Variants in DDX4 observed in about 807,000 individuals in gnomAD.
DDX4 encodes probable ATP-dependent RNA helicase DDX4.
A neutral mutation model predicts 100.0 loss-of-function variants in DDX4; 25 were observed. The observed-to-expected ratio is 0.25, with a 90% CI of 0.18 to 0.35. DDX4 has a LOEUF of 0.35. DDX4 is among the 10% of genes least tolerant of loss of function. The pLI is 1.00. For synonymous variants in DDX4, 259 were observed against 275.7 expected (o/e 0.94, Z 0.60); for missense variants, 635 against 882.4 (o/e 0.72, Z 3.55).
chr5:55,752,587 T>G (rs1759637334), intron 3 of DDX4, among the ~76,000 whole-genome samples: 2 of 146,694 alleles, frequency 1.4e-5, no homozygotes, highest in African/African-American at 5.2e-5. Context: ...CTATCATTGT[T>G]GGACATTTGG....
chr5:55,792,147 A>T (rs997624817), intron 16 of DDX4, among the ~76,000 whole-genome samples: 1 of 144,474 alleles, frequency 6.9e-6, no homozygotes, highest in Non-Finnish European at 1.5e-5. Flanking sequence ...AAAAAAAAAA[A>T]GCGCAGTTAA....
Position 55,790,573 on chromosome 5 carries a change from T to C in DDX4, c.1173-3T>C. ...AAATAACATTTAGTTTTCTTGTTAA[T>C]AGGACTTGTGTAAGAGCTGTTGTTA... On this transcript the variant is annotated splice_polypyrimidine_tract_variant and splice_region_variant and intron_variant, in intron 15 of 21. Coordinates refer to ENST00000505374, the MANE Select transcript of DDX4 (RefSeq NM_024415.3). The C allele has an allele frequency of 6.3e-7, 1 of 1,576,324 alleles. No homozygotes were observed. Among genetic ancestry groups the C allele is most frequent in the East Asian group, 2.2e-5 (1 of 44,610 alleles).
At position 55,798,600 on chromosome 5, in the gene DDX4, A is replaced by T. The variant is rs373997911; in HGVS notation, c.1615+29A>T. ...TCTTACGTTGATACATTTTTTTGTCATGATTTTGATTTTTTTTAATGAATA... is the reference window on the plus strand; with the variant it reads ...TCTTACGTTGATACATTTTTTTGTCTTGATTTTGATTTTTTTTAATGAATA... On this transcript the variant is annotated intron_variant, in intron 18 of 21. Coordinates refer to ENST00000505374, the MANE Select transcript of DDX4 (RefSeq NM_024415.3). 7 of 1,548,624 alleles carry T rather than the reference A, an allele frequency of 4.5e-6. No homozygotes were observed. The Admixed American group carries it at 8.3e-5, about 18-fold the overall frequency.
chr5:55,770,205 GTT>G (rs35086305), intron 7 of DDX4, among the ~76,000 whole-genome samples: 9 of 151,278 alleles, frequency 5.9e-5, no homozygotes, highest in Admixed American at 2.0e-4. Flanking sequence ...GTTGGTTGTG[GTT>G]TTTTTTTCCC....
At position 55,757,771 on chromosome 5, in the gene DDX4, C is replaced by T. The variant is rs899369043; in HGVS notation, c.128-2429C>T. Among the ~76,000 whole-genome samples, 16 of 152,180 alleles carry T rather than the reference C, an allele frequency of 1.1e-4. No homozygotes were observed. The East Asian group carries it at 1.4e-3, about 13-fold the overall frequency. On this transcript the variant is annotated intron_variant, in intron 3 of 21. Transcript: ENST00000505374. Reference sequence around the variant, plus strand: ...TTTTAAGAACATTACCCACCGGGCGCGGTGGCTCACGCCTGTAGTCCCAGC... The same window carrying T: ...TTTTAAGAACATTACCCACCGGGCGTGGTGGCTCACGCCTGTAGTCCCAGC...
chr5:55,762,463 T>G (rs1485840771), intron 4 of DDX4, among the ~76,000 whole-genome samples: 2 of 152,104 alleles, frequency 1.3e-5, no homozygotes, highest in East Asian at 1.9e-4. Flanking sequence ...ACATAATTGG[T>G]TTTTTGAAGA....
intron 7 of DDX4, among the ~76,000 whole-genome samples, chr5:55,771,303 A>G (rs1337493103): frequency 6.6e-6 from 1 of 152,090 alleles, no homozygotes; most frequent in Non-Finnish European, 1.5e-5. Context: ...TTTACTCACT[A>G]ATGACTCATT....
chr5:55,780,616 G>T (rs1223124554), intron 8 of DDX4, among the ~76,000 whole-genome samples: 1 of 152,190 alleles, frequency 6.6e-6, no homozygotes, highest in Non-Finnish European at 1.5e-5. Context: ...TAGGGATTTT[G>T]AAGGGTTACC....
intron 7 of DDX4, among the ~76,000 whole-genome samples, chr5:55,774,694 A>G (rs891984361): frequency 3.3e-5 from 5 of 152,090 alleles, no homozygotes; most frequent in African/African-American, 1.2e-4. Flanking sequence ...TCATTTTTAT[A>G]GATGGTGTAG....
At chr5:55,752,529 C>A (rs1051830681) in intron 3 of DDX4, among the ~76,000 whole-genome samples, 6 of 145,308 alleles carry the variant, frequency 4.1e-5, no homozygotes, top group African/African-American at 1.6e-4. Context: ...TTTTTTATGG[C>A]TGCATAGTAT....
chr5:55,801,997 C>T (rs899634159), intron 18 of DDX4, among the ~76,000 whole-genome samples: 3 of 152,146 alleles, frequency 2.0e-5, no homozygotes, highest in Admixed American at 6.6e-5. Flanking sequence ...GCCATGTAAG[C>T]CAAGCACCAG....
chr5:55,767,290 A>G (rs947554384), intron 6 of DDX4, among the ~76,000 whole-genome samples: 1 of 152,158 alleles, frequency 6.6e-6, no homozygotes, highest in African/African-American at 2.4e-5. Flanking sequence ...AAAATACAAA[A>G]ATTAGCCAGG....
intron 13 of DDX4, 54 bp downstream of exon 13, chr5:55,785,925 A>G: frequency 7.8e-7 from 1 of 1,278,330 alleles, no homozygotes; most frequent in Non-Finnish European, 1.1e-6. Context: ...TGCCTTTAAA[A>G]TACATTATGT....
In DDX4 at chr5:55,810,102, A is replaced by T. The variant is rs534243091; in HGVS notation, c.1616-3571A>T. On this transcript the variant is annotated intron_variant, in intron 18 of 21. Coordinates refer to ENST00000505374, the MANE Select transcript of DDX4 (RefSeq NM_024415.3). ...ATACTTGAGACCAGAAGTGCTTCATATTTTTTTTTTCTTTTTTTGGAGACG... is the reference window on the plus strand; with the variant it reads ...ATACTTGAGACCAGAAGTGCTTCATTTTTTTTTTTTCTTTTTTTGGAGACG... 4.8e-4 allele frequency among the ~76,000 whole-genome samples: 72 copies of T among 149,822 alleles called. 1 individual carries two copies. Among genetic ancestry groups the T allele is most frequent in the South Asian group, 3.0e-3 (14 of 4,706 alleles).
At chr5:55,810,829 G>A (rs900540342) in intron 18 of DDX4, among the ~76,000 whole-genome samples, 7 of 152,146 alleles carry the variant, frequency 4.6e-5, no homozygotes, top group African/African-American at 1.7e-4. Context: ...GTTGTCAGAG[G>A]AGAGTTGAAT....
At position 55,767,862 on chromosome 5, in the gene DDX4, TG is replaced by T. The variant is rs759576360; in HGVS notation, c.335-18del. The T allele has an allele frequency of 6.2e-7, 1 of 1,601,044 alleles. No individual in the cohort carries two copies. The highest frequency in any genetic ancestry group is 8.5e-7 in the Non-Finnish European group (1 of 1,170,060). On this transcript the variant is annotated intron_variant, in intron 6 of 21. Transcript: ENST00000505374. Reference sequence around the variant, plus strand: ...TTAAGTTAATTAAATGCTATTTACATGTTAAATTTTTATTGAAGAGTCTAGT... The same window carrying T: ...TTAAGTTAATTAAATGCTATTTACATTTAAATTTTTATTGAAGAGTCTAGT...
rs553954635 is a variant in DDX4 at position 55,791,709 on chromosome 5, C to T, written c.1303-932C>T. On this transcript the variant is annotated intron_variant, in intron 16 of 21. Transcript: ENST00000505374. ...TGTCCAATACAGTAACCACTAGCCA[C>T]ATGTAACAATTTAAATTTAAGAATG... Among the ~76,000 whole-genome samples the T allele has an allele frequency of 9.7e-4, 148 of 152,308 alleles. 1 individual carries two copies. Among genetic ancestry groups the T allele is most frequent in the Non-Finnish European group, 1.7e-3 (118 of 68,026 alleles).
At chr5:55,764,214 A>G (rs1740748699) in intron 6 of DDX4, 150 bp downstream of exon 6, 1 of 614,706 alleles carries the variant, frequency 1.6e-6, no homozygotes, top group Non-Finnish European at 2.9e-6. Context: ...TTAACCAAGG[A>G]TATTACTGCT....
intron 4 of DDX4, among the ~76,000 whole-genome samples, chr5:55,761,318 A>T (rs915162642): frequency 2.6e-5 from 4 of 152,094 alleles, no homozygotes; most frequent in Non-Finnish European, 5.9e-5. Flanking sequence ...CATATTTATT[A>T]TTTACGTATC....
Sources: allele counts gnomAD v4.1 joint callset (sites outside exome capture counted in the v4.1 genomes callset), GRCh38; gene constraint gnomAD v4.1.1; transcripts MANE v1.5; gene names NCBI Gene and HGNC (gene_info 2026-07-23, HGNC 2026-07-21).